UBOX5: variants seen among roughly 807,000 people sequenced by gnomAD.
The protein encoded by UBOX5 is U-box domain containing 5, also known as RING finger protein 37.
UBOX5 carries 28 observed loss-of-function variants against 39.0 expected under a neutral mutation model. The observed-to-expected ratio is 0.72, with a 90% CI of 0.53 to 0.98. The LOEUF (loss-of-function observed/expected upper bound fraction) is 0.98, where lower values mean the gene tolerates loss of function less well. UBOX5 is among the 50% of genes least tolerant of loss of function. UBOX5 has a pLI of 0.00. For missense variants in UBOX5, 585 were observed against 674.4 expected, an observed-to-expected ratio of 0.87 and a Z score of 1.47; for synonymous variants, 283 against 275.5, an observed-to-expected ratio of 1.03 and a Z score of -0.27.
At chr20:3,120,571 G>A (rs557499737) in intron 3 of UBOX5, among the ~76,000 whole-genome samples, 3 of 150,882 alleles carry the variant, frequency 2.0e-5, no homozygotes, top group South Asian at 2.1e-4. Flanking sequence ...GTGTGAACCC[G>A]GAAGGCAGAG....
At chr20:3,157,674 C>T (rs1243194076) in intron 1 of UBOX5, among the ~76,000 whole-genome samples, 1 of 152,142 alleles carries the variant, frequency 6.6e-6, no homozygotes, top group African/African-American at 2.4e-5. Context: ...TCCTCTCAGC[C>T]CATCTAAATG....
At chr20:3,157,310 T>A (rs1178435830) in intron 1 of UBOX5, among the ~76,000 whole-genome samples, 2 of 152,146 alleles carry the variant, frequency 1.3e-5, no homozygotes, top group Non-Finnish European at 1.5e-5. Context: ...ACTGCGAAGG[T>A]GAAGCACTAG....
At chr20:3,154,557 C>G (rs1295632197) in intron 1 of UBOX5, among the ~76,000 whole-genome samples, 2 of 152,058 alleles carry the variant, frequency 1.3e-5, no homozygotes. Flanking sequence ...GTGGCACACA[C>G]CTGTGGTCCT....
intron 1 of UBOX5, chr20:3,146,594 C>T: frequency 3.1e-6 from 2 of 646,190 alleles, no homozygotes; most frequent in South Asian, 4.2e-5. Flanking sequence ...GTAATTTGTA[C>T]AATCCAACTA....
intron 1 of UBOX5, among the ~76,000 whole-genome samples, chr20:3,157,321 T>C (rs1369409795): frequency 6.6e-6 from 1 of 152,198 alleles, no homozygotes; most frequent in African/African-American, 2.4e-5. Flanking sequence ...GAAGCACTAG[T>C]GCAAAGGTGT....
At chr20:3,141,101 T>C (rs1421974669) in intron 1 of UBOX5, among the ~76,000 whole-genome samples, 1 of 151,688 alleles carries the variant, frequency 6.6e-6, no homozygotes, top group East Asian at 2.0e-4. Flanking sequence ...GTATTTTCAG[T>C]AGAGACGGGG....
intron 4 of UBOX5, 129 bp downstream of exon 4, chr20:3,115,176 G>A (rs1225235810): frequency 8.5e-7 from 1 of 1,175,310 alleles, no homozygotes; most frequent in Non-Finnish European, 1.1e-6. Flanking sequence ...TCCCAGGGTG[G>A]GTGTTGGAAC....
At chr20:3,113,990 T>C (rs1360429080) in intron 4 of UBOX5, among the ~76,000 whole-genome samples, 5 of 151,962 alleles carry the variant, frequency 3.3e-5, no homozygotes, top group African/African-American at 4.8e-5. Flanking sequence ...AAAAATTAGC[T>C]GGGCGTGGTG....
chr20:3,135,636 A>G (rs1328135183), intron 1 of UBOX5, among the ~76,000 whole-genome samples: 1 of 152,210 alleles, frequency 6.6e-6, no homozygotes, highest in Non-Finnish European at 1.5e-5. Context: ...ATTAAGTAGA[A>G]TAGAAAATGT....
intron 4 of UBOX5, among the ~76,000 whole-genome samples, chr20:3,113,040 G>C (rs2148586142): frequency 6.6e-6 from 1 of 150,936 alleles, no homozygotes; most frequent in East Asian, 2.0e-4. Flanking sequence ...TTGGGAAGCT[G>C]AGGCAGGTAG....
Position 3,109,560 on chromosome 20 carries a change from C to T in UBOX5, c.*546G>A, listed in dbSNP as rs967453051. 4.2e-5 allele frequency: 7 copies of T among 167,294 alleles called. No individual in the cohort carries two copies. The South Asian group carries it at 7.7e-4, about 18-fold the overall frequency. The allele number at this position is 167,294 out of a possible 1,614,324, so 10.4% of individuals were successfully genotyped here. ...CTCCACTTGTGTGGGTGCAGGTGGG[C>T]GACAGGAGTGTGTGACACAGACAGG... is the stretch of plus-strand genomic sequence containing the variant. On this transcript the variant is annotated 3_prime_UTR_variant, in exon 5 of 5. Transcript: ENST00000217173.
At position 3,110,463 on chromosome 20, in the gene UBOX5, T is replaced by A. The variant is rs959105350; in HGVS notation, c.1418-149A>T. The A allele has an allele frequency of 6.6e-6, 6 of 906,754 alleles. No homozygotes were observed. The African/African-American group carries it at 1.0e-4, about 15-fold the overall frequency. 56.2% of individuals were successfully genotyped at this position (906,754 alleles called of 1,614,324 possible). On this transcript the variant is annotated intron_variant, in intron 4 of 4. Coordinates refer to ENST00000217173, the MANE Select transcript of UBOX5 (RefSeq NM_014948.4). The stretch of plus-strand genomic sequence containing the variant: ...ATCCCAGTCTGATCAGGTAGGGGAG[T>A]GGAAGCGGGAGAGGGAGCCTGGGAA...
At position 3,122,334 on chromosome 20, in the gene UBOX5, A is replaced by C. The variant is rs1313012433; in HGVS notation, c.305T>G (p.Leu102Arg). 4 of 1,614,106 alleles carry C rather than the reference A, an allele frequency of 2.5e-6. No homozygotes were observed. Among genetic ancestry groups the C allele is most frequent in the Non-Finnish European group, 3.4e-6 (4 of 1,180,036 alleles). ...TGGGACAGATGGCTCAGCTGGGCCC[A>C]GGGTCCGGCACTGGGGCGTATTCCA... is the stretch of plus-strand genomic sequence containing the variant. Reference protein sequence around the residue: ...VSWNTPQCRTLGPAEPSVPDK... With the variant: ...VSWNTPQCRTRGPAEPSVPDK... Residue 102 changes from leucine to arginine, a missense_variant, in exon 3 of 5, where the codon CTG becomes CGG. Physicochemically the swap from Leu to Arg is moderately radical, Grantham distance 102. Coordinates refer to ENST00000217173, the MANE Select transcript of UBOX5 (RefSeq NM_014948.4).
At chr20:3,119,385 C>A (rs1244317140) in intron 3 of UBOX5, among the ~76,000 whole-genome samples, 1 of 152,194 alleles carries the variant, frequency 6.6e-6, no homozygotes, top group East Asian at 1.9e-4. Context: ...GCCTCAGCCA[C>A]CAGTTTGATG....
intron 1 of UBOX5, among the ~76,000 whole-genome samples, chr20:3,144,586 T>C (rs1486676004): frequency 6.6e-6 from 1 of 152,206 alleles, no homozygotes; most frequent in African/African-American, 2.4e-5. Flanking sequence ...TTAAATATGA[T>C]ACCAAAAGCA....
At chr20:3,134,888 C>T (rs949472069) in intron 1 of UBOX5, among the ~76,000 whole-genome samples, 27 of 151,550 alleles carry the variant, frequency 1.8e-4, no homozygotes, top group African/African-American at 6.5e-4. Flanking sequence ...AATTTATATA[C>T]ATAATATAAA....
At chr20:3,116,764 T>G (rs1341298236) in intron 3 of UBOX5, 1 of 152,182 alleles carries the variant, frequency 6.6e-6, no homozygotes, top group Non-Finnish European at 1.5e-5. Flanking sequence ...ACTAAAAGAA[T>G]GATCAACCTA....
At chr20:3,122,662 G>A in intron 2 of UBOX5, 78 bp from the exon 3 acceptor site, 1 of 1,477,118 alleles carries the variant, frequency 6.8e-7, no homozygotes, top group Non-Finnish European at 8.9e-7. Context: ...TCTTAAGCCT[G>A]AGGTTCCTCG....
intron 1 of UBOX5, among the ~76,000 whole-genome samples, chr20:3,141,513 G>A (rs2066517312): frequency 6.6e-6 from 1 of 151,996 alleles, no homozygotes; most frequent in South Asian, 2.1e-4. Flanking sequence ...GCTGGGGGTG[G>A]TGCATGCCTG....
Sources: allele counts gnomAD v4.1 joint callset (sites outside exome capture counted in the v4.1 genomes callset), GRCh38; gene constraint gnomAD v4.1.1; transcripts MANE v1.5; gene names NCBI Gene and HGNC (gene_info 2026-07-23, HGNC 2026-07-21).